Variants in PDE8B observed in about 807,000 individuals in gnomAD.
PDE8B encodes the protein high affinity cAMP-specific and IBMX-insensitive 3',5'-cyclic phosphodiesterase 8B.
In PDE8B, 26 loss-of-function variants were observed where a neutral mutation model predicts 101.3. The observed-to-expected ratio is 0.26, with a 90% confidence interval of 0.19 to 0.36. The LOEUF (loss-of-function observed/expected upper bound fraction) is 0.36, where lower values mean the gene tolerates loss of function less well. PDE8B is among the 10% of genes least tolerant of loss of function. The pLI, the probability that PDE8B is intolerant of heterozygous loss-of-function variation, is 1.00. For missense variants in PDE8B, 810 were observed against 1,163.1 expected (o/e 0.70, Z 4.42); for synonymous variants, 424 against 429.3 (o/e 0.99, Z 0.15).
intron 1 of PDE8B, among the ~76,000 whole-genome samples, chr5:77,261,096 G>A (rs1473569823): frequency 2.0e-5 from 3 of 152,186 alleles, no homozygotes; most frequent in Non-Finnish European, 4.4e-5. Flanking sequence ...GCTTTTAAAT[G>A]TCTGGAAATA....
intron 10 of PDE8B, among the ~76,000 whole-genome samples, chr5:77,367,280 C>T (rs1427549664): frequency 1.3e-5 from 2 of 152,092 alleles, no homozygotes; most frequent in African/African-American, 2.4e-5. Flanking sequence ...AGGTGAGCAG[C>T]GTTGTGATGA....
intron 1 of PDE8B, among the ~76,000 whole-genome samples, chr5:77,289,253 A>G (rs1561475601): frequency 6.6e-6 from 1 of 152,242 alleles, no homozygotes; most frequent in Non-Finnish European, 1.5e-5. Context: ...TAAACTCATG[A>G]TCAGCTGCTT....
At chr5:77,287,027 G>T (rs1394510854) in intron 1 of PDE8B, among the ~76,000 whole-genome samples, 1 of 152,056 alleles carries the variant, frequency 6.6e-6, no homozygotes, top group Non-Finnish European at 1.5e-5. Context: ...TTAAATCCCA[G>T]AAGAAATTAC....
At chr5:77,330,974 G>GGCT (rs1281987846) in intron 4 of PDE8B, among the ~76,000 whole-genome samples, 1 of 152,200 alleles carries the variant, frequency 6.6e-6, no homozygotes, top group African/African-American at 2.4e-5. Flanking sequence ...CTGGAATGCT[G>GGCT]GCTGTCTTCC....
chr5:77,290,805 G>T lies in PDE8B; in HGVS notation c.340-21189G>T, dbSNP rs569597137. On this transcript the variant is annotated intron_variant, in intron 1 of 21. Transcript: ENST00000264917. ...AGTGTATGGTTGGAACAACGCCATT[G>T]TCATGATCTGTGGAAATGTCTGCCT... 98 of 1,490,780 alleles carry T rather than the reference G, an allele frequency of 6.6e-5. No homozygotes were observed. The African/African-American group carries it at 1.3e-3, about 20-fold the overall frequency. 92.3% of individuals were successfully genotyped at this position (1,490,780 alleles called of 1,614,324 possible). A position where few individuals can be genotyped will look rare whatever the true frequency, so the allele number is the denominator to read the frequency against.
At chr5:77,103,374 G>T in the PDE8B span, among the ~76,000 whole-genome samples, 1 of 151,996 alleles carries the variant, frequency 6.6e-6, no homozygotes, top group African/African-American at 2.4e-5. Context: ...ATTTTTCTCC[G>T]TGACTCAACA....
chr5:77,347,135 T>C (rs1424293079), intron 7 of PDE8B, among the ~76,000 whole-genome samples: 1 of 152,212 alleles, frequency 6.6e-6, no homozygotes, highest in African/African-American at 2.4e-5. Flanking sequence ...ACTCTATATG[T>C]ATTTGCTTTA....
chr5:77,317,299 C>T (rs994423996), intron 2 of PDE8B, among the ~76,000 whole-genome samples: 25 of 152,270 alleles, frequency 1.6e-4, no homozygotes, highest in African/African-American at 5.8e-4. Flanking sequence ...TCTGTTGCTT[C>T]ACTGCAATGC....
intron 1 of PDE8B, among the ~76,000 whole-genome samples, chr5:77,261,489 A>G (rs1392093081): frequency 3.3e-5 from 5 of 152,362 alleles, no homozygotes; most frequent in African/African-American, 1.2e-4. Context: ...TTTACTCTCA[A>G]TTATGCCATT....
the PDE8B span, among the ~76,000 whole-genome samples, chr5:77,120,537 A>C: frequency 6.6e-6 from 1 of 152,370 alleles, no homozygotes; most frequent in East Asian, 1.9e-4. Flanking sequence ...AATAAAATAG[A>C]TTAGTAGATG....
chr5:77,376,578 A>C (rs564596410), intron 10 of PDE8B, among the ~76,000 whole-genome samples: 1 of 152,312 alleles, frequency 6.6e-6, no homozygotes, highest in Admixed American at 6.5e-5. Flanking sequence ...CTTGAGTTGA[A>C]TTAGAAGTTG....
Position 77,408,933 on chromosome 5 carries a change from T to G in PDE8B, c.1406T>G (p.Val469Gly). 6 of 1,613,584 alleles carry G rather than the reference T, an allele frequency of 3.7e-6. No individual in the cohort carries two copies. The highest frequency in any genetic ancestry group is 5.1e-6 in the Non-Finnish European group (6 of 1,179,516). The change falls in exon 14 of 22, where the codon GTC (valine) becomes GGC (glycine). Residue 469 changes from valine to glycine, a missense_variant. By Grantham distance (109) the Val-to-Gly change is moderately radical. This residue lies in a region of PDE8B where 325 missense variants were observed against 560.9 expected (regional missense o/e 0.58). Transcript: ENST00000264917. ...AATGCAGCCCAAGAAAACAGCCCAG[T>G]CACAGTAGCGGAAGCCTTGGACAGA... ...IINAAQENSP[V>G]TVAEALDRVL...
At chr5:77,228,014 T>G (rs1752778833) in intron 1 of PDE8B, among the ~76,000 whole-genome samples, 1 of 152,218 alleles carries the variant, frequency 6.6e-6, no homozygotes, top group Admixed American at 6.5e-5. Context: ...ATCTGGGTCC[T>G]GTACTTCAGG....
At chr5:77,241,994 G>C (rs182358005) in intron 1 of PDE8B, among the ~76,000 whole-genome samples, 1 of 152,126 alleles carries the variant, frequency 6.6e-6, no homozygotes, top group Non-Finnish European at 1.5e-5. Context: ...CCAAATTCAC[G>C]CAAGGTGTAT....
chr5:77,213,320 A>C (rs1055362476), intron 1 of PDE8B, among the ~76,000 whole-genome samples: 1 of 152,242 alleles, frequency 6.6e-6, no homozygotes, highest in South Asian at 2.1e-4. Flanking sequence ...TCATTGACTT[A>C]ACACTACTTT....
the PDE8B span, among the ~76,000 whole-genome samples, chr5:77,111,657 A>T: frequency 2.0e-5 from 3 of 152,194 alleles, no homozygotes; most frequent in African/African-American, 7.2e-5. Context: ...GACCACATCC[A>T]TGTGAGGTAG....
rs577263263 is a variant in PDE8B, at chr5:77,211,967, C to CT, written c.339+704dup. ...GTGGTTTCCAGTGCAGTACAGCTGT[C>CT]TGAGGATGATTCTGCACATACAACT... On this transcript the variant is annotated intron_variant, in intron 1 of 21. Coordinates refer to ENST00000264917, the MANE Select transcript of PDE8B (RefSeq NM_003719.5). The surrounding 1 kb of genome is among the most constrained non-coding windows in gnomAD (Gnocchi z 4.1). Among the ~76,000 whole-genome samples, 468 of 152,248 alleles carry CT rather than the reference C, an allele frequency of 3.1e-3. 4 individuals carry two copies. The highest frequency in any genetic ancestry group is 0.01 in the African/African-American group (435 of 41,528).
chr5:77,409,642 G>A (rs1308645628), intron 14 of PDE8B, among the ~76,000 whole-genome samples: 1 of 151,838 alleles, frequency 6.6e-6, no homozygotes, highest in Non-Finnish European at 1.5e-5. Flanking sequence ...TGGTTTCTAG[G>A]GACTCAACCT....
intron 10 of PDE8B, among the ~76,000 whole-genome samples, chr5:77,355,173 G>A (rs972050087): frequency 6.6e-6 from 1 of 152,168 alleles, no homozygotes; most frequent in South Asian, 2.1e-4. Context: ...ATACAGGGGT[G>A]GGGGGCCACC....
Sources: gnomAD v4.1 joint callset for allele counts (sites outside exome capture counted in the v4.1 genomes callset) on GRCh38, gnomAD v4.1.1 for gene constraint, gnomAD v4.1.1 regional missense constraint, Gnocchi (gnomAD v3.1) non-coding constraint, MANE v1.5 for transcripts, NCBI Gene and HGNC (gene_info 2026-07-23, HGNC 2026-07-21) for gene names.